The following ARHGAP44 variants were observed in gnomAD, a reference collection of about 807,000 sequenced individuals.
ARHGAP44 encodes the protein Rho GTPase activating protein 44, also known as rho GTPase-activating protein 44.
Under a neutral mutation model 106.8 loss-of-function variants are expected in ARHGAP44, and 43 were observed. The ratio of observed to expected loss-of-function variants is 0.40; its 90% CI spans 0.32 to 0.52. ARHGAP44 has a LOEUF of 0.52. ARHGAP44 is among the 20% of genes least tolerant of loss of function. The pLI, the probability that ARHGAP44 is intolerant of heterozygous loss-of-function variation, is 0.48. For synonymous variants in ARHGAP44, 439 were observed against 410.3 expected (o/e 1.07, Z -0.85); for missense variants, 866 against 1,050.5 (o/e 0.82, Z 2.43).
At position 12,990,320 on chromosome 17, in the gene ARHGAP44, G is replaced by A. The variant is rs572265535; in HGVS notation, c.*149G>A. 4.7e-6 allele frequency: 5 copies of A among 1,054,528 alleles called. No individual in the cohort carries two copies. In the African/African-American group the frequency reaches 6.4e-5, roughly 13 times the overall value. The allele number at this position is 1,054,528 out of a possible 1,614,324, so 65.3% of individuals were successfully genotyped here. On this transcript the variant is annotated 3_prime_UTR_variant, in exon 21 of 21. Transcript: ENST00000379672. ...AGGTTGGAATTTGGCAGAAAATTGT[G>A]ATCTCCAGTCCGTGTGGTGATGCTG...
chr17:12,938,594 A>C (rs1040033994), intron 7 of ARHGAP44, among the ~76,000 whole-genome samples: 10 of 151,540 alleles, frequency 6.6e-5, no homozygotes, highest in Non-Finnish European at 1.3e-4. Flanking sequence ...AAAAAAAAAA[A>C]AAAAAAAAAC....
At chr17:12,841,502 T>G (rs1195178833) in intron 1 of ARHGAP44, among the ~76,000 whole-genome samples, 1 of 151,558 alleles carries the variant, frequency 6.6e-6, no homozygotes, top group Non-Finnish European at 1.5e-5. Context: ...GGAGAATTGC[T>G]TGAGAGCCTG....
At chr17:12,897,411 T>C (rs999123057) in intron 3 of ARHGAP44, among the ~76,000 whole-genome samples, 1 of 151,500 alleles carries the variant, frequency 6.6e-6, no homozygotes, top group African/African-American at 2.4e-5. Flanking sequence ...AAAAACCCAC[T>C]CTACTTGTCC....
At chr17:12,813,184 G>T (rs71364186) in intron 1 of ARHGAP44, among the ~76,000 whole-genome samples, 1 of 152,162 alleles carries the variant, frequency 6.6e-6, no homozygotes, top group Admixed American at 6.5e-5. Flanking sequence ...GAGTGGAAGA[G>T]GGTGAGGAGA....
intron 16 of ARHGAP44, among the ~76,000 whole-genome samples, chr17:12,972,208 G>A (rs1233138784): frequency 6.6e-6 from 1 of 152,148 alleles, no homozygotes; most frequent in African/African-American, 2.4e-5. Context: ...CTCCCTGAAT[G>A]AATGAATGTT....
In ARHGAP44 at chr17:12,841,594, TCA is replaced by T. The variant is rs545804542; in HGVS notation, c.53+51748_53+51749del. 1.3e-3 allele frequency among the ~76,000 whole-genome samples: 159 copies of T among 126,572 alleles called. 1 individual carries two copies. Among genetic ancestry groups the T allele is most frequent in the East Asian group, 5.5e-3 (21 of 3,824 alleles). The allele number at this position is 126,572 out of a possible 152,430, so 83.0% of individuals were successfully genotyped here. ...GAGACCCTGTCTCTCTGTCTCTCTC[TCA>T]CACACACACACACACACACACACAC... is the stretch of plus-strand genomic sequence containing the variant. On this transcript the variant is annotated intron_variant, in intron 1 of 20. Transcript: ENST00000379672.
Position 12,789,787 on chromosome 17 carries a change from G to T in ARHGAP44, c.-52G>T. The T allele has an allele frequency of 6.8e-7, 1 of 1,471,168 alleles. No homozygotes were observed. Among genetic ancestry groups the T allele is most frequent in the Non-Finnish European group, 9.0e-7 (1 of 1,111,300 alleles). 91.1% of individuals were successfully genotyped at this position (1,471,168 alleles called of 1,614,324 possible). A position where few individuals can be genotyped will look rare whatever the true frequency, so the allele number is the denominator to read the frequency against. On this transcript the variant is annotated 5_prime_UTR_variant, in exon 1 of 21. Transcript: ENST00000379672. ...GCCATGTAACCCTGCGGCGGGCTCC[G>T]GGCTGCTCCGTCCTTCCCCAGCTCC... is the stretch of plus-strand genomic sequence containing the variant.
chr17:12,947,257 A>C (rs1455257217), intron 10 of ARHGAP44, among the ~76,000 whole-genome samples: 1 of 152,210 alleles, frequency 6.6e-6, no homozygotes, highest in Admixed American at 6.5e-5. Flanking sequence ...CCAAATTGCC[A>C]AATCCGATGA....
At chr17:12,818,555 C>A (rs1005017041) in intron 1 of ARHGAP44, among the ~76,000 whole-genome samples, 1 of 151,932 alleles carries the variant, frequency 6.6e-6, no homozygotes, top group Non-Finnish European at 1.5e-5. Context: ...TATTTGTAGA[C>A]GATGTGATCA....
intron 1 of ARHGAP44, among the ~76,000 whole-genome samples, chr17:12,844,905 C>G (rs1000490446): frequency 2.6e-5 from 4 of 152,142 alleles, no homozygotes; most frequent in African/African-American, 9.7e-5. Flanking sequence ...TTATCGGAAG[C>G]AGAACTGACG....
chr17:12,823,905 A>G (rs2034844762), intron 1 of ARHGAP44, among the ~76,000 whole-genome samples: 1 of 152,120 alleles, frequency 6.6e-6, no homozygotes, highest in East Asian at 1.9e-4. Context: ...TAAAGTATCA[A>G]AGTCACCGAA....
chr17:12,908,257 C>T (rs2037622637), intron 3 of ARHGAP44, among the ~76,000 whole-genome samples: 1 of 138,182 alleles, frequency 7.2e-6, no homozygotes, highest in South Asian at 2.3e-4. Flanking sequence ...AGTGCAGTGG[C>T]ACAATCTCGG....
Position 12,973,312 on chromosome 17 carries a change from A to T in ARHGAP44, c.1534A>T (p.Ile512Phe). The T allele has an allele frequency of 6.2e-7, 1 of 1,608,774 alleles. No individual in the cohort carries two copies. Among genetic ancestry groups the T allele is most frequent in the Non-Finnish European group, 8.5e-7 (1 of 1,177,428 alleles). The change falls in exon 17 of 21, where the codon ATC (isoleucine) becomes TTC (phenylalanine). Residue 512 changes from isoleucine (I) to phenylalanine (F), a missense_variant. Around this residue, in one of 2 missense-constraint regions of ARHGAP44, gnomAD observed 448 missense variants for 646.9 expected, o/e 0.69. Transcript: ENST00000379672. ...EFYKKDGLRKIQSMGVRVMDT... is the reference protein window; with the variant it reads ...EFYKKDGLRKFQSMGVRVMDT... Reference sequence around the variant, plus strand: ...TTTCTGTCCCTGCAGCCTTAGGAAAATCCAAAGGTATGGTATCCTCTGGTA... The same window carrying T: ...TTTCTGTCCCTGCAGCCTTAGGAAATTCCAAAGGTATGGTATCCTCTGGTA...
At chr17:12,966,585 G>A (rs1005387091) in intron 16 of ARHGAP44, among the ~76,000 whole-genome samples, 1 of 152,134 alleles carries the variant, frequency 6.6e-6, no homozygotes, top group Non-Finnish European at 1.5e-5. Flanking sequence ...TTTGCTGTCC[G>A]GGACATCATC....
rs775934737 is a variant in ARHGAP44, at chr17:12,974,275, C to T, written c.1728C>T (p.Ser576=). Residue 576 remains serine (S), a synonymous_variant, in exon 18 of 21, where the codon TCC becomes TCT. Coordinates refer to ENST00000379672, the MANE Select transcript of ARHGAP44 (RefSeq NM_014859.6). ...CCGCGGCCCCCGCGCTCTCTCCATCCGGCCTGGGCCTCCAGCCTGGGCCCG... is the reference window on the plus strand; with the variant it reads ...CCGCGGCCCCCGCGCTCTCTCCATCTGGCCTGGGCCTCCAGCCTGGGCCCG... ...DSPAAPALSP[S]GLGLQPGPER... 1 of 1,484,356 alleles carries T rather than the reference C, an allele frequency of 6.7e-7. No homozygotes were observed. Among genetic ancestry groups the T allele is most frequent in the Non-Finnish European group, 8.9e-7 (1 of 1,122,542 alleles). 91.9% of individuals were successfully genotyped at this position (1,484,356 alleles called of 1,614,324 possible). A position where few individuals can be genotyped will look rare whatever the true frequency, so the allele number is the denominator to read the frequency against.
intron 6 of ARHGAP44, among the ~76,000 whole-genome samples, chr17:12,923,129 C>G (rs1192948532): frequency 6.6e-6 from 1 of 152,174 alleles, no homozygotes; most frequent in African/African-American, 2.4e-5. Context: ...TGATCCGTCT[C>G]CTTTATCACA....
At chr17:12,951,916 T>A (rs1207002740) in intron 12 of ARHGAP44, among the ~76,000 whole-genome samples, 1 of 152,158 alleles carries the variant, frequency 6.6e-6, no homozygotes, top group Non-Finnish European at 1.5e-5. Flanking sequence ...TATGAACCTC[T>A]GATGAAGCTG....
At chr17:12,970,956 A>G (rs897209218) in intron 16 of ARHGAP44, among the ~76,000 whole-genome samples, 8 of 152,246 alleles carry the variant, frequency 5.3e-5, no homozygotes, top group Non-Finnish European at 1.2e-4. Context: ...TTCCAACAGC[A>G]TTGCTGCTGC....
intron 12 of ARHGAP44, among the ~76,000 whole-genome samples, chr17:12,951,566 A>G (rs1257329061): frequency 2.0e-5 from 3 of 151,964 alleles, no homozygotes; most frequent in Admixed American, 1.3e-4. Flanking sequence ...GTGCTTCAGG[A>G]CCTATCCAGA....
Sources: gnomAD v4.1 joint callset for allele counts (sites outside exome capture counted in the v4.1 genomes callset) on GRCh38, gnomAD v4.1.1 for gene constraint, gnomAD v4.1.1 regional missense constraint, MANE v1.5 for transcripts, NCBI Gene and HGNC (gene_info 2026-07-23, HGNC 2026-07-21) for gene names.